Variants in SHTN1 observed in about 807,000 individuals in gnomAD.
The protein encoded by SHTN1 is shootin-1.
Under a neutral mutation model 83.1 loss-of-function variants are expected in SHTN1, and 42 were observed. The observed-to-expected ratio is 0.51, with a 90% CI of 0.39 to 0.65. SHTN1 has a LOEUF of 0.65. SHTN1 is among the 30% of genes least tolerant of loss of function. The pLI is 0.00. For missense variants in SHTN1, 622 were observed against 737.8 expected, an observed-to-expected ratio of 0.84 and a Z score of 1.82; for synonymous variants, 224 against 247.7, an observed-to-expected ratio of 0.90 and a Z score of 0.90.
intron 1 of SHTN1, among the ~76,000 whole-genome samples, chr10:117,057,547 C>A (rs1392370444): frequency 6.6e-6 from 1 of 152,156 alleles, no homozygotes; most frequent in Non-Finnish European, 1.5e-5. Context: ...ATGGCTCCTT[C>A]CCTTTTCCCT....
At chr10:117,084,059 T>C (rs901172992) in intron 1 of SHTN1, among the ~76,000 whole-genome samples, 1 of 152,238 alleles carries the variant, frequency 6.6e-6, no homozygotes, top group South Asian at 2.1e-4. Flanking sequence ...AAAGTCATTC[T>C]CCATCCAGCT....
chr10:116,992,051 A>AGGAT (rs1462398588), intron 1 of SHTN1, among the ~76,000 whole-genome samples: 2 of 151,984 alleles, frequency 1.3e-5, no homozygotes, highest in African/African-American at 4.8e-5. Context: ...CTGAGGTGGG[A>AGGAT]GGATGGTTGG....
chr10:116,977,954 A>ATT (rs1481937405), intron 2 of SHTN1, among the ~76,000 whole-genome samples: 1 of 152,014 alleles, frequency 6.6e-6, no homozygotes, highest in African/African-American at 2.4e-5. Context: ...TTCTTACCAT[A>ATT]TTATAGATGC....
intron 2 of SHTN1, among the ~76,000 whole-genome samples, chr10:117,039,194 T>C (rs574176130): frequency 1.3e-5 from 2 of 152,216 alleles, no homozygotes; most frequent in East Asian, 1.9e-4. Flanking sequence ...TGAAAAGACA[T>C]GGAGGAAATT....
rs1850530545 is a variant in SHTN1, at chr10:116,969,590, T to C, written c.112-878A>G. On this transcript the variant is annotated intron_variant, in intron 2 of 16. Transcript: ENST00000355371. Reference sequence around the variant, plus strand: ...GATAAAATATTCCATACTAAGCACATATCATTTATATAAACCGATTTTTAA... The same window carrying C: ...GATAAAATATTCCATACTAAGCACACATCATTTATATAAACCGATTTTTAA... Among the ~76,000 whole-genome samples the C allele has an allele frequency of 2.0e-5, 3 of 152,162 alleles. No individual in the cohort carries two copies. The South Asian group carries it at 6.2e-4, about 32-fold the overall frequency.
At chr10:117,032,511 A>G (rs767146772) in intron 2 of SHTN1, among the ~76,000 whole-genome samples, 7 of 152,088 alleles carry the variant, frequency 4.6e-5, no homozygotes, top group Non-Finnish European at 8.8e-5. Flanking sequence ...GCCATATAAC[A>G]ATTTTAAATA....
intron 1 of SHTN1, among the ~76,000 whole-genome samples, chr10:116,992,752 A>C (rs576488835): frequency 5.3e-5 from 8 of 152,300 alleles, no homozygotes; most frequent in Admixed American, 1.3e-4. Context: ...TCCTGGAGGA[A>C]ACCTGATAAT....
intron 13 of SHTN1, 107 bp from the exon 14 acceptor site, chr10:116,911,950 A>G: frequency 1.3e-6 from 1 of 781,952 alleles, no homozygotes; most frequent in African/African-American, 1.8e-5. Context: ...GGTAATATGT[A>G]TGACTATATA....
intron 12 of SHTN1, among the ~76,000 whole-genome samples, chr10:116,915,919 G>A (rs769824653): frequency 1.2e-4 from 18 of 152,204 alleles, no homozygotes; most frequent in Non-Finnish European, 2.5e-4. Context: ...TCCACTGGGG[G>A]AAGAAAAGAT....
intron 1 of SHTN1, among the ~76,000 whole-genome samples, chr10:117,000,068 T>C (rs1156494833): frequency 6.6e-6 from 1 of 152,148 alleles, no homozygotes. Context: ...CAGAGGAAAA[T>C]GCATTGTTGA....
chr10:116,983,157 G>A (rs1462302900), intron 1 of SHTN1, among the ~76,000 whole-genome samples: 4 of 152,074 alleles, frequency 2.6e-5, no homozygotes, highest in Non-Finnish European at 5.9e-5. Flanking sequence ...GGGGACCTTG[G>A]GCAAATCAGT....
intron 1 of SHTN1, among the ~76,000 whole-genome samples, chr10:117,049,519 GAGA>G (rs1381718262): frequency 2.0e-5 from 3 of 152,216 alleles, no homozygotes; most frequent in Non-Finnish European, 2.9e-5. Context: ...GAGCCATAAA[GAGA>G]AGGAGTATGT....
rs959392866 is a variant in SHTN1, at chr10:116,960,255, C to A, written c.173-25G>T. 3.0e-6 allele frequency: 4 copies of A among 1,314,292 alleles called. No homozygotes were observed. In the African/African-American group the frequency reaches 5.8e-5, roughly 19 times the overall value. The allele number at this position is 1,314,292 out of a possible 1,614,324, so 81.4% of individuals were successfully genotyped here. On this transcript the variant is annotated intron_variant, in intron 3 of 16. Coordinates refer to ENST00000355371, the MANE Select transcript of SHTN1 (RefSeq NM_001127211.3). ...ACTAGGAATGAGGGGGAAAAAAAATCTCAGCATTCAAAGATTAGTCAGCTA... is the reference window on the plus strand; with the variant it reads ...ACTAGGAATGAGGGGGAAAAAAAATATCAGCATTCAAAGATTAGTCAGCTA...
chr10:116,917,460 C>A (rs555535684), intron 12 of SHTN1, among the ~76,000 whole-genome samples: 4 of 152,222 alleles, frequency 2.6e-5, no homozygotes, highest in Middle Eastern at 3.4e-3. Flanking sequence ...AGCGTCACTA[C>A]GCCCAGCTAA....
chr10:116,947,619 A>T lies in SHTN1; in HGVS notation c.616+1297T>A, dbSNP rs542936344. On this transcript the variant is annotated intron_variant, in intron 7 of 16. Transcript: ENST00000355371. ...AGAACACTATGACGATCTGAAGCCC[A>T]GGCAAGATAATTGACTCTCTTTTCT... 7.3e-4 allele frequency among the ~76,000 whole-genome samples: 111 copies of T among 152,344 alleles called. 2 individuals carry two copies. The South Asian group carries it at 0.022, about 30-fold the overall frequency.
intron 1 of SHTN1, among the ~76,000 whole-genome samples, chr10:117,066,023 C>A (rs1208628420): frequency 6.6e-6 from 1 of 151,646 alleles, no homozygotes; most frequent in African/African-American, 2.4e-5. Flanking sequence ...TATGATTTCA[C>A]CACTGCACTC....
intron 11 of SHTN1, 51 bp downstream of exon 11, chr10:116,927,741 T>G (rs372301999): frequency 3.4e-5 from 50 of 1,456,644 alleles, no homozygotes; most frequent in Non-Finnish European, 4.4e-5. Context: ...TATGGCACAA[T>G]CTGATGGAGA....
intron 13 of SHTN1, among the ~76,000 whole-genome samples, chr10:116,914,175 T>G (rs1437886793): frequency 2.6e-5 from 4 of 152,056 alleles, no homozygotes; most frequent in Non-Finnish European, 4.4e-5. Context: ...AAGTGGCAAC[T>G]TAGAAAACCC....
At chr10:117,037,658 A>G (rs1852518735) in intron 2 of SHTN1, among the ~76,000 whole-genome samples, 1 of 152,204 alleles carries the variant, frequency 6.6e-6, no homozygotes, top group African/African-American at 2.4e-5. Flanking sequence ...AAAACTTACC[A>G]TAAAGCTACA....
Sources: allele counts gnomAD v4.1 joint callset (sites outside exome capture counted in the v4.1 genomes callset), GRCh38; gene constraint gnomAD v4.1.1; transcripts MANE v1.5; gene names NCBI Gene and HGNC (gene_info 2026-07-23, HGNC 2026-07-21).